Variants in USH2A observed in about 807,000 individuals in gnomAD.
The protein encoded by USH2A is Usher syndrome 2A (autosomal recessive, mild).
A neutral mutation model predicts 538.9 loss-of-function variants in USH2A; 443 were observed. The ratio of observed to expected loss-of-function variants is 0.82; its 90% CI spans 0.76 to 0.89. The LOEUF (loss-of-function observed/expected upper bound fraction) is 0.89. Ranked by LOEUF, USH2A falls within the 40% of genes least tolerant of loss-of-function variation. USH2A has a pLI of 0.00. For missense variants in USH2A, 6,633 were observed against 6,324.8 expected, an observed-to-expected ratio of 1.05 and a Z score of -1.65; for synonymous variants, 2,413 against 2,273.5, an observed-to-expected ratio of 1.06 and a Z score of -1.75.
chr1:216,156,297 T>TTTC (rs1388471032), intron 21 of USH2A, among the ~76,000 whole-genome samples: 2 of 20,782 alleles, frequency 9.6e-5, no homozygotes, highest in Non-Finnish European at 2.3e-4. Flanking sequence ...TTTTTTTTCT[T>TTTC]TTTTTTTTTT....
intron 32 of USH2A, among the ~76,000 whole-genome samples, chr1:216,025,418 G>A (rs1668939383): frequency 6.6e-6 from 1 of 151,636 alleles, no homozygotes; most frequent in African/African-American, 2.4e-5. Flanking sequence ...ATTAGTCTCT[G>A]ATAGTCTCCT....
chr1:216,234,406 G>A (rs1040414339), intron 13 of USH2A, among the ~76,000 whole-genome samples: 1 of 152,066 alleles, frequency 6.6e-6, no homozygotes, highest in Non-Finnish European at 1.5e-5. Flanking sequence ...TTGTTTATTT[G>A]TACCACCTGA....
At position 215,675,598 on chromosome 1, in the gene USH2A, C is replaced by T; in HGVS notation, c.12313G>A (p.Asp4105Asn). The T allele has an allele frequency of 6.2e-7, 1 of 1,614,108 alleles. No homozygotes were observed. The highest frequency in any genetic ancestry group is 8.5e-7 in the Non-Finnish European group (1 of 1,180,006). The change falls in exon 63 of 72, where the codon GAC becomes AAC. Residue 4105 changes from aspartate to asparagine, a missense_variant. Asp to Asn is a conservative substitution (Grantham distance 23, BLOSUM62 1). Coordinates refer to ENST00000307340, the MANE Select transcript of USH2A (RefSeq NM_206933.4). The stretch of plus-strand genomic sequence containing the variant: ...AAACCAGAGTACTCCAGGAACCCGT[C>T]ACTGAAGATGTTGTATGTCTACAGA... ...GVIKTYNIFSDGFLEYSGLNR... is the reference protein window; with the variant it reads ...GVIKTYNIFSNGFLEYSGLNR...
intron 11 of USH2A, among the ~76,000 whole-genome samples, chr1:216,285,968 T>C (rs2036875181): frequency 6.6e-6 from 1 of 152,190 alleles, no homozygotes. Context: ...ACTAACTTGC[T>C]TTTGCTTTTA....
chr1:216,183,394 T>A (rs2034530284), intron 20 of USH2A, among the ~76,000 whole-genome samples: 1 of 152,062 alleles, frequency 6.6e-6, no homozygotes, highest in East Asian at 1.9e-4. Context: ...AAAAAAGCAG[T>A]TTGGCATTCA....
chr1:215,976,859 T>C (rs1667629869), intron 35 of USH2A, among the ~76,000 whole-genome samples: 1 of 152,170 alleles, frequency 6.6e-6, no homozygotes. Context: ...AGAGAGATGC[T>C]GGCCTCATAG....
At chr1:216,244,666 T>C (rs969452818) in intron 13 of USH2A, among the ~76,000 whole-genome samples, 4 of 151,688 alleles carry the variant, frequency 2.6e-5, no homozygotes, top group Non-Finnish European at 4.4e-5. Context: ...TTTTCTGCAA[T>C]GATATGCAAA....
chr1:215,624,385 A>G lies in USH2A; in HGVS notation c.*1396T>C, dbSNP rs1186801294. The G allele has an allele frequency of 6.6e-6, 1 of 152,156 alleles. No homozygotes were observed. Among genetic ancestry groups the G allele is most frequent in the Non-Finnish European group, 1.5e-5 (1 of 68,026 alleles). 9.4% of individuals were successfully genotyped at this position (152,156 alleles called of 1,614,324 possible). ...GGGTAATACATTGTTTTCAGGCAGA[A>G]TAAGTAAGACTATCCCTTACTTTAC... is the stretch of plus-strand genomic sequence containing the variant. On this transcript the variant is annotated 3_prime_UTR_variant, in exon 72 of 72. Transcript: ENST00000307340.
chr1:215,706,700 C>G (rs768064515), intron 61 of USH2A, among the ~76,000 whole-genome samples: 1 of 152,076 alleles, frequency 6.6e-6, no homozygotes, highest in Non-Finnish European at 1.5e-5. Context: ...TAAATTTTCC[C>G]CTTTTCTTTG....
At chr1:215,997,012 C>A (rs1668157997) in intron 34 of USH2A, among the ~76,000 whole-genome samples, 1 of 152,096 alleles carries the variant, frequency 6.6e-6, no homozygotes, top group Non-Finnish European at 1.5e-5. Flanking sequence ...AAGGCAACTC[C>A]ACTTTGCTGA....
At chr1:216,402,496 C>A (rs953920543) in intron 3 of USH2A, among the ~76,000 whole-genome samples, 4 of 152,078 alleles carry the variant, frequency 2.6e-5, no homozygotes, top group Non-Finnish European at 2.9e-5. Flanking sequence ...GCCAACCCTT[C>A]TTTCTCCTCC....
At chr1:215,969,982 T>C (rs2102457862) in intron 36 of USH2A, among the ~76,000 whole-genome samples, 1 of 152,268 alleles carries the variant, frequency 6.6e-6, no homozygotes, top group East Asian at 1.9e-4. Context: ...TTATGATAAT[T>C]AAGTGCTATT....
chr1:215,675,758 G>T lies in USH2A; in HGVS notation c.12295-142C>A. ...AAGAAGTATTCTGATATTAATTGGG[G>T]ATATGTGATTTTTTTCAGTTAACAT... On this transcript the variant is annotated intron_variant, in intron 62 of 71. Transcript: ENST00000307340. The T allele has an allele frequency of 2.0e-6, 3 of 1,493,400 alleles. No individual in the cohort carries two copies. The South Asian group carries it at 3.7e-5, about 18-fold the overall frequency. The allele number at this position is 1,493,400 out of a possible 1,614,324, so 92.5% of individuals were successfully genotyped here. A position where few individuals can be genotyped will look rare whatever the true frequency, so the allele number is the denominator to read the frequency against.
chr1:216,281,454 C>A (rs1416980), intron 11 of USH2A, among the ~76,000 whole-genome samples: 7,699 of 152,192 alleles, frequency 0.051, 305 homozygotes, highest in Middle Eastern at 0.16. Context: ...GATTTTTGCA[C>A]TTGGAAACAA....
rs145114157 is a variant in USH2A, at chr1:216,402,402, T to C, written c.651+16112A>G. Among the ~76,000 whole-genome samples the C allele has an allele frequency of 4.9e-3, 743 of 152,202 alleles. 4 individuals carry two copies. Among genetic ancestry groups the C allele is most frequent in the African/African-American group, 0.017 (713 of 41,578 alleles). On this transcript the variant is annotated intron_variant, in intron 3 of 71. Transcript: ENST00000307340. ...AACTGAATGCACATGAAAATATAGC[T>C]GACCTTTGAACAACACAGGTTTGAA...
chr1:216,110,122 A>G (rs934071210), intron 21 of USH2A, among the ~76,000 whole-genome samples: 1 of 152,200 alleles, frequency 6.6e-6, no homozygotes, highest in Non-Finnish European at 1.5e-5. Context: ...AGAAGCAGAT[A>G]TTAATCCACG....
chr1:216,170,438 A>C (rs2034254055), intron 21 of USH2A, among the ~76,000 whole-genome samples: 2 of 152,096 alleles, frequency 1.3e-5, no homozygotes, highest in Admixed American at 1.3e-4. Context: ...ATCAGTAATC[A>C]CATTTCTCGT....
At chr1:216,229,961 A>T (rs2035644098) in intron 14 of USH2A, among the ~76,000 whole-genome samples, 1 of 152,216 alleles carries the variant, frequency 6.6e-6, no homozygotes, top group Non-Finnish European at 1.5e-5. Flanking sequence ...ACTTAAAGAA[A>T]AAAAGTTAAG....
At chr1:215,816,393 T>G (rs886300891) in intron 48 of USH2A, among the ~76,000 whole-genome samples, 1 of 152,080 alleles carries the variant, frequency 6.6e-6, no homozygotes, top group African/African-American at 2.4e-5. Context: ...AATTATGGTG[T>G]TCTTTTGCAG....
Sources: allele counts gnomAD v4.1 joint callset (sites outside exome capture counted in the v4.1 genomes callset), GRCh38; gene constraint gnomAD v4.1.1; transcripts MANE v1.5; gene names NCBI Gene and HGNC (gene_info 2026-07-23, HGNC 2026-07-21).